Variants in TAF4B observed in about 807,000 individuals in gnomAD.
TAF4B encodes transcription initiation factor TFIID subunit 4B.
TAF4B carries 38 observed loss-of-function variants against 86.4 expected under a neutral mutation model. The ratio of observed to expected loss-of-function variants is 0.44; its 90% CI spans 0.34 to 0.58. The LOEUF is 0.58. TAF4B is among the 20% of genes least tolerant of loss of function. The probability of loss-of-function intolerance (pLI) is 0.02; values close to 1 mark genes in which losing one functional copy is unlikely to be tolerated. For synonymous variants in TAF4B, 388 were observed against 391.2 expected, an observed-to-expected ratio of 0.99 and a Z score of 0.10; for missense variants, 988 against 1,027.6, an observed-to-expected ratio of 0.96 and a Z score of 0.53.
At chr18:26,230,171 G>A (rs1171427649) in intron 1 of TAF4B, among the ~76,000 whole-genome samples, 1 of 152,120 alleles carries the variant, frequency 6.6e-6, no homozygotes, top group Non-Finnish European at 1.5e-5. Context: ...TCTTCATCTT[G>A]TCTATCACCT....
intron 9 of TAF4B, among the ~76,000 whole-genome samples, chr18:26,307,421 A>C (rs548233255): frequency 6.6e-6 from 1 of 152,170 alleles, no homozygotes; most frequent in Admixed American, 6.5e-5. Flanking sequence ...CTTCAGAATC[A>C]GAAGTGGCAA....
At chr18:26,319,752 G>A (rs62085403) in intron 10 of TAF4B, among the ~76,000 whole-genome samples, 16,895 of 152,042 alleles carry the variant, frequency 0.11, 968 homozygotes, top group African/African-American at 0.14. Flanking sequence ...ACCACGACCA[G>A]CTATTTTTTT....
intron 9 of TAF4B, among the ~76,000 whole-genome samples, chr18:26,305,718 A>G (rs2056788126): frequency 6.6e-6 from 1 of 152,102 alleles, no homozygotes; most frequent in African/African-American, 2.4e-5. Context: ...GATTGTTATA[A>G]CATCTTTATT....
chr18:26,298,663 G>A (rs2144627311), intron 9 of TAF4B, among the ~76,000 whole-genome samples: 1 of 152,156 alleles, frequency 6.6e-6, no homozygotes, highest in South Asian at 2.1e-4. Flanking sequence ...CTCTCAAGTA[G>A]CTAGGACTAC....
chr18:26,315,186 C>A, intron 9 of TAF4B, 43 bp from the exon 10 acceptor site: 1 of 1,354,028 alleles, frequency 7.4e-7, no homozygotes, highest in Non-Finnish European at 9.9e-7. Context: ...CACACACACA[C>A]ACACACAACC....
chr18:26,368,527 A>G (rs2057385764), intron 14 of TAF4B, among the ~76,000 whole-genome samples: 2 of 152,136 alleles, frequency 1.3e-5, no homozygotes, highest in South Asian at 4.1e-4. Context: ...CTTTACCTCC[A>G]TTCTCTTCTA....
chr18:26,385,679 G>GTTTTTT (rs34188640), intron 14 of TAF4B, among the ~76,000 whole-genome samples: 12 of 109,824 alleles, frequency 1.1e-4, no homozygotes, highest in African/African-American at 8.5e-5. Flanking sequence ...AATAAACAGC[G>GTTTTTT]TTTTTTTTTT....
In TAF4B at chr18:26,276,670, A is replaced by G. The variant is rs1190476469; in HGVS notation, c.882+1617A>G. On this transcript the variant is annotated intron_variant, in intron 5 of 14. Coordinates refer to ENST00000269142, the MANE Select transcript of TAF4B (RefSeq NM_005640.3). The stretch of plus-strand genomic sequence containing the variant: ...TTATTACAGATGTCTAAAATACCTC[A>G]TACTAACAAATTTTTAATTCAACTT... Among the ~76,000 whole-genome samples, 6 of 152,306 alleles carry G rather than the reference A, an allele frequency of 3.9e-5. No individual in the cohort carries two copies. The East Asian group carries it at 1.2e-3, about 29-fold the overall frequency.
In TAF4B at chr18:26,275,620, G is replaced by GAT. The variant is rs1311797270; in HGVS notation, c.882+576_882+577dup. ...TTTAAGGTATACAACATGATGTTTT[G>GAT]ATATATATATTATTTCTGTACATCA... On this transcript the variant is annotated intron_variant, in intron 5 of 14. Coordinates refer to ENST00000269142, the MANE Select transcript of TAF4B (RefSeq NM_005640.3). Among the ~76,000 whole-genome samples, 5 of 152,136 alleles carry GAT rather than the reference G, an allele frequency of 3.3e-5. No homozygotes were observed. In the East Asian group the frequency reaches 9.6e-4, roughly 29 times the overall value.
At chr18:26,343,208 G>A (rs1221998675) in intron 13 of TAF4B, among the ~76,000 whole-genome samples, 3 of 152,186 alleles carry the variant, frequency 2.0e-5, no homozygotes, top group African/African-American at 7.2e-5. Context: ...ACAGACGTGG[G>A]TGGGAAAGTG....
chr18:26,374,691 T>C (rs1302509882), intron 14 of TAF4B, among the ~76,000 whole-genome samples: 4 of 152,182 alleles, frequency 2.6e-5, no homozygotes, highest in African/African-American at 4.8e-5. Flanking sequence ...CAGTTAGATG[T>C]TCAGATTTTC....
At chr18:26,290,004 C>T (rs1295644028) in intron 7 of TAF4B, among the ~76,000 whole-genome samples, 1 of 152,106 alleles carries the variant, frequency 6.6e-6, no homozygotes, top group Non-Finnish European at 1.5e-5. Flanking sequence ...TGAAGACTAA[C>T]TGGTGTCAGC....
intron 13 of TAF4B, among the ~76,000 whole-genome samples, chr18:26,343,509 T>C (rs114004411): frequency 1.0e-3 from 156 of 152,350 alleles, no homozygotes; most frequent in African/African-American, 3.7e-3. Context: ...GCTGACGTTG[T>C]AGCCACAGAT....
intron 12 of TAF4B, among the ~76,000 whole-genome samples, chr18:26,327,886 A>G (rs992497259): frequency 1.3e-5 from 2 of 152,150 alleles, no homozygotes; most frequent in African/African-American, 4.8e-5. Context: ...CGCCTGGCCA[A>G]GGCTATTTAT....
At chr18:26,345,458 T>C (rs1447887394) in intron 13 of TAF4B, among the ~76,000 whole-genome samples, 1 of 152,212 alleles carries the variant, frequency 6.6e-6, no homozygotes, top group African/African-American at 2.4e-5. Context: ...TGCACCAAGT[T>C]GGTGGACCCA....
intron 1 of TAF4B, among the ~76,000 whole-genome samples, chr18:26,236,390 C>T (rs1472700283): frequency 6.6e-6 from 1 of 152,098 alleles, no homozygotes; most frequent in Non-Finnish European, 1.5e-5. Context: ...AAGTCAATTT[C>T]CTGGCCCTCA....
rs924178270 is a variant in TAF4B, at chr18:26,390,370, G to A, written c.*358G>A. 1 of 175,186 alleles carries A rather than the reference G, an allele frequency of 5.7e-6. No individual in the cohort carries two copies. The highest frequency in any genetic ancestry group is 2.4e-5 in the African/African-American group (1 of 42,204). 10.9% of individuals were successfully genotyped at this position (175,186 alleles called of 1,614,324 possible). ...TAATACAGCATGCATTGAGATGCAG[G>A]AGAAAGGAAGAGGCATAAGAAAATA... On this transcript the variant is annotated 3_prime_UTR_variant, in exon 15 of 15. Transcript: ENST00000269142.
chr18:26,292,469 G>A, intron 8 of TAF4B, 88 bp downstream of exon 8: 1 of 1,400,946 alleles, frequency 7.1e-7, no homozygotes, highest in Non-Finnish European at 9.6e-7. Context: ...GTTAAGAGAA[G>A]AGAGGTTTGG....
chr18:26,296,614 G>A (rs996315103), intron 9 of TAF4B, among the ~76,000 whole-genome samples: 5 of 152,046 alleles, frequency 3.3e-5, no homozygotes, highest in Non-Finnish European at 4.4e-5. Context: ...TCATCTTTCA[G>A]TTTAATGACT....
Sources: allele counts gnomAD v4.1 joint callset (sites outside exome capture counted in the v4.1 genomes callset), GRCh38; gene constraint gnomAD v4.1.1; transcripts MANE v1.5; gene names NCBI Gene and HGNC (gene_info 2026-07-23, HGNC 2026-07-21).